The following ADCY9 variants were observed in gnomAD, a reference collection of about 807,000 sequenced individuals.
ADCY9 encodes adenylate cyclase 9.
Under a neutral mutation model 101.5 loss-of-function variants are expected in ADCY9, and 50 were observed. The observed-to-expected ratio is 0.49, with a 90% CI of 0.39 to 0.62. The LOEUF is 0.62. ADCY9 is among the 20% of genes least tolerant of loss of function. The pLI, the probability that ADCY9 is intolerant of heterozygous loss-of-function variation, is 0.00. For missense variants in ADCY9, 1,662 were observed against 1,800.4 expected (o/e 0.92, Z 1.39); for synonymous variants, 905 against 769.3 (o/e 1.18, Z -2.92).
chr16:4,112,541 G>T (rs1037366159), intron 2 of ADCY9, among the ~76,000 whole-genome samples: 15 of 151,970 alleles, frequency 9.9e-5, no homozygotes, highest in Non-Finnish European at 1.8e-4. Flanking sequence ...ACCACTGGAC[G>T]TCTCTGACTG....
intron 2 of ADCY9, among the ~76,000 whole-genome samples, chr16:4,089,562 TG>T (rs1195692709): frequency 6.6e-6 from 1 of 152,028 alleles, no homozygotes; most frequent in Non-Finnish European, 1.5e-5. Context: ...TGTGTGGATG[TG>T]TGTTTTTCAC....
rs527847244 is a variant in ADCY9 at position 4,082,738 on chromosome 16, G to A, written c.1693+31012C>T. Among the ~76,000 whole-genome samples the A allele has an allele frequency of 4.6e-5, 7 of 151,310 alleles. No individual in the cohort carries two copies. In the East Asian group the frequency reaches 7.8e-4, roughly 17 times the overall value. Reference sequence around the variant, plus strand: ...TGCACGCACACACATGCACACCCACGCATGGACGCACACGCACACACACCA... The same window carrying A: ...TGCACGCACACACATGCACACCCACACATGGACGCACACGCACACACACCA... On this transcript the variant is annotated intron_variant, in intron 2 of 10. Transcript: ENST00000294016.
At chr16:4,023,664 G>A (rs1009789101) in intron 2 of ADCY9, among the ~76,000 whole-genome samples, 1 of 152,206 alleles carries the variant, frequency 6.6e-6, no homozygotes, top group South Asian at 2.1e-4. Flanking sequence ...TGTAATCCCA[G>A]CACTTTGGGA....
intron 7 of ADCY9, among the ~76,000 whole-genome samples, chr16:3,981,159 C>T (rs2056139129): frequency 6.6e-6 from 1 of 152,216 alleles, no homozygotes; most frequent in East Asian, 1.9e-4. Flanking sequence ...CCACCACAGG[C>T]CTGTTCAGGG....
chr16:4,058,647 G>A (rs1432356705), intron 2 of ADCY9, among the ~76,000 whole-genome samples: 2 of 152,090 alleles, frequency 1.3e-5, no homozygotes, highest in African/African-American at 2.4e-5. Flanking sequence ...TGGAGAACCT[G>A]GGAAGGTATG....
chr16:4,017,352 T>C (rs1202202465), intron 2 of ADCY9, among the ~76,000 whole-genome samples: 7 of 149,480 alleles, frequency 4.7e-5, no homozygotes, highest in Non-Finnish European at 8.9e-5. Flanking sequence ...GGCTTAGAAA[T>C]AGATAATGTG....
chr16:3,992,565 G>C lies in ADCY9; in HGVS notation c.1990-202C>G, dbSNP rs371744954. On this transcript the variant is annotated intron_variant, in intron 4 of 10. Coordinates refer to ENST00000294016, the MANE Select transcript of ADCY9 (RefSeq NM_001116.4). The surrounding 1 kb of genome is among the most constrained non-coding windows in gnomAD (Gnocchi z 4.2). ...CCTGACTGCCCGTCTGCTCCTTCCT[G>C]TTACCCAACAGTGCCCAGTGGTAAC... Among the ~76,000 whole-genome samples, 19 of 152,268 alleles carry C rather than the reference G, an allele frequency of 1.2e-4. No homozygotes were observed. Among genetic ancestry groups the C allele is most frequent in the African/African-American group, 4.3e-4 (18 of 41,556 alleles).
At chr16:4,016,660 CA>C (rs976274282) in intron 2 of ADCY9, among the ~76,000 whole-genome samples, 1 of 151,626 alleles carries the variant, frequency 6.6e-6, no homozygotes, top group African/African-American at 2.4e-5. Context: ...TACTTGAAAA[CA>C]AAAAAAGGGA....
intron 2 of ADCY9, among the ~76,000 whole-genome samples, chr16:4,100,086 C>T (rs1037508210): frequency 2.6e-5 from 4 of 152,042 alleles, no homozygotes; most frequent in African/African-American, 9.7e-5. Context: ...GGGGTGGTTT[C>T]CCCCATGCTG....
Position 4,115,435 on chromosome 16 carries a change from G to C in ADCY9, c.8C>G (p.Ser3Cys). The change falls in exon 2 of 11, where the codon TCC (serine) becomes TGC (cysteine). Residue 3 changes from serine (S) to cysteine (C), a missense_variant. Ser to Cys is a moderately radical substitution (Grantham distance 112). This residue lies in a region of ADCY9 where 422 missense variants were observed against 392.0 expected (regional missense o/e 1.08). Coordinates refer to ENST00000294016, the MANE Select transcript of ADCY9 (RefSeq NM_001116.4). The surrounding 1 kb of genome is among the most constrained non-coding windows in gnomAD (Gnocchi z 6.2). MA[S>C]PPHQQLLHHH... is the part of the protein sequence containing the mutation. ...ATGCAGCAGCTGCTGGTGGGGTGGG[G>C]AAGCCATGTTGTCGAGTCCCGGGGC... 6.5e-7 allele frequency: 1 copy of C among 1,547,150 alleles called. No homozygotes were observed. Among genetic ancestry groups the C allele is most frequent in the Non-Finnish European group, 8.7e-7 (1 of 1,145,990 alleles).
chr16:4,041,058 C>A (rs1267813287), intron 2 of ADCY9, among the ~76,000 whole-genome samples: 1 of 152,124 alleles, frequency 6.6e-6, no homozygotes, highest in Non-Finnish European at 1.5e-5. Context: ...AGCAGAGAAT[C>A]AAAGCCCAGG....
chr16:4,037,186 T>C (rs991211243), intron 2 of ADCY9, among the ~76,000 whole-genome samples: 1 of 152,034 alleles, frequency 6.6e-6, no homozygotes, highest in Non-Finnish European at 1.5e-5. Flanking sequence ...GGCATGGTGG[T>C]ACATGCCTGT....
intron 5 of ADCY9, among the ~76,000 whole-genome samples, chr16:3,991,742 C>T (rs1365992715): frequency 8.2e-6 from 1 of 122,540 alleles, no homozygotes; most frequent in African/African-American, 3.2e-5. Flanking sequence ...GCCTGGGCAA[C>T]ACAGCAAGAC....
intron 2 of ADCY9, among the ~76,000 whole-genome samples, chr16:4,089,532 T>C (rs1011446882): frequency 2.6e-5 from 4 of 152,112 alleles, no homozygotes; most frequent in Non-Finnish European, 4.4e-5. Flanking sequence ...AATGTTGCTA[T>C]GAACATTCCT....
chr16:3,989,137 C>T, intron 5 of ADCY9, 41 bp from the exon 6 acceptor site: 1 of 1,434,072 alleles, frequency 7.0e-7, no homozygotes, highest in South Asian at 1.1e-5. Context: ...TACCCAGCAC[C>T]ATAACTGTGC....
At chr16:4,010,015 C>G (rs779508876) in intron 2 of ADCY9, among the ~76,000 whole-genome samples, 16 of 152,198 alleles carry the variant, frequency 1.1e-4, no homozygotes, top group Non-Finnish European at 1.9e-4. Context: ...CCGCAGTCCC[C>G]ACATACTGAG....
At chr16:4,058,567 G>A (rs2056755611) in intron 2 of ADCY9, among the ~76,000 whole-genome samples, 1 of 152,100 alleles carries the variant, frequency 6.6e-6, no homozygotes, top group Non-Finnish European at 1.5e-5. Context: ...CTCTTGTTGA[G>A]AGAACACTCC....
intron 2 of ADCY9, among the ~76,000 whole-genome samples, chr16:4,102,527 G>A (rs2057049932): frequency 6.6e-6 from 1 of 152,132 alleles, no homozygotes; most frequent in South Asian, 2.1e-4. Context: ...CTGGATTCAA[G>A]CAATTCTCCT....
At position 4,027,260 on chromosome 16, in the gene ADCY9, G is replaced by A. The variant is rs117010714; in HGVS notation, c.1694-19702C>T. 4.4e-3 allele frequency among the ~76,000 whole-genome samples: 674 copies of A among 152,276 alleles called. 3 individuals carry two copies. Among genetic ancestry groups the A allele is most frequent in the Non-Finnish European group, 7.8e-3 (532 of 68,034 alleles). The stretch of plus-strand genomic sequence containing the variant: ...AGTAAATCTGTGCTTCCCTTGCTTC[G>A]TTTTCTCGTTGCTTTCTTTGTGCAT... On this transcript the variant is annotated intron_variant, in intron 2 of 10. Coordinates refer to ENST00000294016, the MANE Select transcript of ADCY9 (RefSeq NM_001116.4).
Sources: gnomAD v4.1 joint callset for allele counts (sites outside exome capture counted in the v4.1 genomes callset) on GRCh38, gnomAD v4.1.1 for gene constraint, gnomAD v4.1.1 regional missense constraint, Gnocchi (gnomAD v3.1) non-coding constraint, MANE v1.5 for transcripts, NCBI Gene and HGNC (gene_info 2026-07-23, HGNC 2026-07-21) for gene names.